The following SATB1 variants were observed in gnomAD, a reference collection of about 807,000 sequenced individuals.
The protein encoded by SATB1 is DNA-binding protein SATB1.
In SATB1, 11 loss-of-function variants were observed where a neutral mutation model predicts 86.9. The observed-to-expected ratio is 0.13, with a 90% confidence interval of 0.08 to 0.21. The LOEUF (loss-of-function observed/expected upper bound fraction) is 0.21, where lower values mean the gene tolerates loss of function less well. SATB1 is among the 10% of genes least tolerant of loss of function. The probability of loss-of-function intolerance (pLI) is 1.00; values close to 1 mark genes in which losing one functional copy is unlikely to be tolerated. For missense variants in SATB1, 551 were observed against 937.6 expected (o/e 0.59, Z 5.39); for synonymous variants, 357 against 357.2 (o/e 1.00, Z 0.01).
chr3:18,373,796 T>C (rs1220890965), intron 9 of SATB1, among the ~76,000 whole-genome samples: 1 of 152,218 alleles, frequency 6.6e-6, no homozygotes, highest in East Asian at 1.9e-4. Flanking sequence ...CAGTCTCTTC[T>C]ACTAGCCATG....
At chr3:18,433,657 G>A (rs1259258575) in intron 2 of SATB1, among the ~76,000 whole-genome samples, 1 of 151,996 alleles carries the variant, frequency 6.6e-6, no homozygotes, top group Non-Finnish European at 1.5e-5. Flanking sequence ...ATTAAGGAAT[G>A]CTAATAAAGT....
At chr3:18,371,396 A>T (rs913743729) in intron 9 of SATB1, among the ~76,000 whole-genome samples, 7 of 152,272 alleles carry the variant, frequency 4.6e-5, no homozygotes, top group Non-Finnish European at 7.4e-5. Flanking sequence ...AGATATATAT[A>T]TTTTTAAATG....
At chr3:18,422,801 A>G (rs1698458068) in intron 1 of SATB1, among the ~76,000 whole-genome samples, 1 of 152,256 alleles carries the variant, frequency 6.6e-6, no homozygotes, top group South Asian at 2.1e-4. Flanking sequence ...GGGGGTGTAG[A>G]CAACAGCATC....
chr3:18,403,370 C>A (rs532933140), intron 5 of SATB1, among the ~76,000 whole-genome samples: 1 of 152,020 alleles, frequency 6.6e-6, no homozygotes, highest in Non-Finnish European at 1.5e-5. Context: ...AACATGCTAT[C>A]TGGTTTCTGA....
chr3:18,420,700 G>T, intron 2 of SATB1, 57 bp downstream of exon 2: 2 of 1,380,394 alleles, frequency 1.4e-6, no homozygotes, highest in Non-Finnish European at 2.1e-6. Flanking sequence ...ACACAGTGTG[G>T]CCTTGTGTAG....
chr3:18,389,172 G>T (rs1696500106), intron 7 of SATB1, among the ~76,000 whole-genome samples: 1 of 151,442 alleles, frequency 6.6e-6, no homozygotes, highest in African/African-American at 2.4e-5. Flanking sequence ...ATATGTTGAT[G>T]GTATAAAGTG....
At chr3:18,378,418 C>T in intron 8 of SATB1, 93 bp from the exon 9 acceptor site, 1 of 1,227,482 alleles carries the variant, frequency 8.1e-7, no homozygotes, top group East Asian at 2.4e-5. Flanking sequence ...CACTGTTGTT[C>T]CTTTTATGAT....
intron 9 of SATB1, among the ~76,000 whole-genome samples, chr3:18,363,152 CA>C (rs1695004721): frequency 6.6e-6 from 1 of 151,866 alleles, no homozygotes; most frequent in South Asian, 2.1e-4. Flanking sequence ...GGAGAGATAA[CA>C]AAAAATTTTT....
chr3:18,354,759 T>A (rs1189080702), intron 9 of SATB1, among the ~76,000 whole-genome samples: 1 of 152,092 alleles, frequency 6.6e-6, no homozygotes. Context: ...AAGAAAATCA[T>A]TAGTTCTTTT....
chr3:18,428,075 T>C (rs1474385133), upstream of SATB1, among the ~76,000 whole-genome samples: 1 of 152,210 alleles, frequency 6.6e-6, no homozygotes, highest in East Asian at 1.9e-4. Flanking sequence ...CTGTTTTCTG[T>C]TCCTTATAAC....
intron 8 of SATB1, among the ~76,000 whole-genome samples, chr3:18,382,354 G>A (rs1696109710): frequency 6.6e-6 from 1 of 152,128 alleles, no homozygotes; most frequent in South Asian, 2.1e-4. Flanking sequence ...GTAATTATAT[G>A]CTTTCAAACA....
intron 1 of SATB1, chr3:18,445,085 C>G (rs1245135813): frequency 2.2e-6 from 1 of 446,652 alleles, no homozygotes; most frequent in African/African-American, 2.2e-5. Flanking sequence ...CGTGGCGCTT[C>G]GGACCGGGCA....
intron 9 of SATB1, among the ~76,000 whole-genome samples, chr3:18,366,892 C>A (rs1409638957): frequency 1.3e-5 from 2 of 152,174 alleles, no homozygotes; most frequent in African/African-American, 2.4e-5. Flanking sequence ...TAAGCCCTTC[C>A]ATTATCCAAA....
intron 7 of SATB1, among the ~76,000 whole-genome samples, chr3:18,393,717 T>C (rs1696810725): frequency 6.6e-6 from 1 of 152,180 alleles, no homozygotes; most frequent in Non-Finnish European, 1.5e-5. Flanking sequence ...AATACTACCA[T>C]ACCCAGTGCC....
At position 18,391,502 on chromosome 3, in the gene SATB1, A is replaced by G. The variant is rs367867321; in HGVS notation, c.1206+2960T>C. 2.6e-3 allele frequency among the ~76,000 whole-genome samples: 387 copies of G among 147,568 alleles called. 14 individuals are homozygous for G. In the South Asian group the frequency reaches 0.038, roughly 14 times the overall value. On this transcript the variant is annotated intron_variant, in intron 7 of 10. Transcript: ENST00000338745. Reference sequence around the variant, plus strand: ...ACTAAGTCGTCATCTAGCATTAGGTATATCTCCCAATGCTATCCCTCCCCC... The same window carrying G: ...ACTAAGTCGTCATCTAGCATTAGGTGTATCTCCCAATGCTATCCCTCCCCC...
intron 9 of SATB1, among the ~76,000 whole-genome samples, chr3:18,353,361 C>A (rs1412288105): frequency 1.3e-5 from 2 of 152,208 alleles, no homozygotes; most frequent in Admixed American, 6.5e-5. Flanking sequence ...TTGCCTGAGA[C>A]CATATCCTTA....
Position 18,349,562 on chromosome 3 carries a change from G to T in SATB1, c.1900C>A (p.Pro634Thr). The T allele has an allele frequency of 6.2e-7, 1 of 1,613,988 alleles. No individual in the cohort carries two copies. The highest frequency in any genetic ancestry group is 1.7e-5 in the Admixed American group (1 of 60,020). The change falls in exon 11 of 11, where the codon CCA (proline) becomes ACA (threonine). Residue 634 changes from proline (P) to threonine (T), a missense_variant. This residue lies in a region of SATB1 where 87 missense variants were observed against 103.6 expected (regional missense o/e 0.84). Transcript: ENST00000338745. The surrounding 1 kb of genome is among the most constrained non-coding windows in gnomAD (Gnocchi z 5.5). Reference sequence around the variant, plus strand: ...CGGTTTTCCTCATCTGACTCTGCTGGAGAGGCCACCGTGGGTTGCCGTGGG... The same window carrying T: ...CGGTTTTCCTCATCTGACTCTGCTGTAGAGGCCACCGTGGGTTGCCGTGGG... ...LPPRQPTVAS[P>T]AESDEENRQK...
rs748444125 is a variant in SATB1, at chr3:18,420,887, T to C, written c.81A>G (p.Pro27=). 1.2e-6 allele frequency: 2 copies of C among 1,614,230 alleles called. No individual in the cohort carries two copies. The highest frequency in any genetic ancestry group is 1.7e-6 in the Non-Finnish European group (2 of 1,180,034). The change falls in exon 2 of 11, where the codon CCA becomes CCG. Residue 27 remains proline, a synonymous_variant. Coordinates refer to ENST00000338745, the MANE Select transcript of SATB1 (RefSeq NM_002971.6). ...SNNVSDPKGP[P]AKIARLEQNG... is the part of the protein sequence containing the mutation. ...TCTGCTCCAGGCGGGCAATCTTGGC[T>C]GGTGGACCCTTCGGATCACTCACAT...
At chr3:18,409,566 A>G (rs1697725520) in intron 5 of SATB1, 3 of 152,018 alleles carry the variant, frequency 2.0e-5, no homozygotes, top group Non-Finnish European at 4.4e-5. Context: ...TATGGATCCC[A>G]CCATTACAGT....
Sources: gnomAD v4.1 joint callset for allele counts (sites outside exome capture counted in the v4.1 genomes callset) on GRCh38, gnomAD v4.1.1 for gene constraint, gnomAD v4.1.1 regional missense constraint, Gnocchi (gnomAD v3.1) non-coding constraint, MANE v1.5 for transcripts, NCBI Gene and HGNC (gene_info 2026-07-23, HGNC 2026-07-21) for gene names.